Variants in RGMA observed in about 807,000 individuals in gnomAD.
RGMA encodes repulsive guidance molecule A.
In RGMA, 10 loss-of-function variants were observed where a neutral mutation model predicts 23.2. The ratio of observed to expected loss-of-function variants is 0.43; its 90% confidence interval spans 0.27 to 0.73. The LOEUF (loss-of-function observed/expected upper bound fraction) is 0.73. RGMA is among the 30% of genes least tolerant of loss of function. RGMA has a pLI of 0.20. For synonymous variants in RGMA, 308 were observed against 279.3 expected, an observed-to-expected ratio of 1.10 and a Z score of -1.03; for missense variants, 547 against 630.5, an observed-to-expected ratio of 0.87 and a Z score of 1.42.
chr15:93,048,334 GGAGCTGAAC>G (rs1327768065), intron 3 of RGMA, among the ~76,000 whole-genome samples: 1 of 152,124 alleles, frequency 6.6e-6, no homozygotes. Flanking sequence ...AAGGCTGGGA[GGAGCTGAAC>G]GAGGGGCAGG....
At chr15:93,059,676 C>T (rs2055071029) in intron 2 of RGMA, among the ~76,000 whole-genome samples, 1 of 152,150 alleles carries the variant, frequency 6.6e-6, no homozygotes, top group East Asian at 1.9e-4. Flanking sequence ...GGGCCCTGAC[C>T]TCCACGGCCA....
At chr15:93,075,741 G>A (rs961776280) in intron 1 of RGMA, among the ~76,000 whole-genome samples, 2 of 152,184 alleles carry the variant, frequency 1.3e-5, no homozygotes, top group Admixed American at 6.5e-5. Context: ...GCCGGGAGAC[G>A]GGTACTGGCT....
At chr15:93,073,175 C>G (rs12908221) in intron 1 of RGMA, 144 bp from the exon 2 acceptor site, 1 of 1,180,026 alleles carries the variant, frequency 8.5e-7, no homozygotes, top group Admixed American at 4.7e-5. Context: ...TCCCGCGCCG[C>G]CCCCCGCGCG....
rs1461382688 is a variant in RGMA, at chr15:93,039,450, TG to T, written c.*5547del. The T allele has an allele frequency of 2.0e-5, 3 of 152,228 alleles. No homozygotes were observed. Among genetic ancestry groups the T allele is most frequent in the African/African-American group, 7.2e-5 (3 of 41,446 alleles). The allele number at this position is 152,228 out of a possible 1,614,324, so 9.4% of individuals were successfully genotyped here. The stretch of plus-strand genomic sequence containing the variant: ...GGTACACGTGCAGAACGCACAAGTT[TG>T]TTACATAGGTATACACGTGCCATGG... On this transcript the variant is annotated 3_prime_UTR_variant, in exon 4 of 4. Coordinates refer to ENST00000329082, the MANE Select transcript of RGMA (RefSeq NM_020211.3).
At chr15:93,084,402 AC>A (rs1307893618) in intron 1 of RGMA, among the ~76,000 whole-genome samples, 1 of 152,204 alleles carries the variant, frequency 6.6e-6, no homozygotes, top group Non-Finnish European at 1.5e-5. Context: ...AGTGGGTCAG[AC>A]TTTGATGGAG....
Position 93,040,650 on chromosome 15 carries a change from TG to T in RGMA, c.*4347del, listed in dbSNP as rs2054712395. 1.3e-5 allele frequency: 2 copies of T among 152,262 alleles called. No individual in the cohort carries two copies. Among genetic ancestry groups the T allele is most frequent in the Admixed American group, 1.3e-4 (2 of 15,274 alleles). The allele number at this position is 152,262 out of a possible 1,614,324, so 9.4% of individuals were successfully genotyped here. ...CTTTTCTCTGTGGAGCTCGTTACCA[TG>T]GGACCCTGGGTTTTGTAACTGTGGT... On this transcript the variant is annotated 3_prime_UTR_variant, in exon 4 of 4. Coordinates refer to ENST00000329082, the MANE Select transcript of RGMA (RefSeq NM_020211.3).
intron 2 of RGMA, chr15:93,065,598 T>C: frequency 1.3e-6 from 1 of 791,320 alleles, no homozygotes; most frequent in Admixed American, 1.8e-5. Flanking sequence ...TCCAGGATGG[T>C]GGTGGCGGGG....
chr15:93,073,544 G>C lies in RGMA; in HGVS notation c.15-513C>G, dbSNP rs540374939. The C allele has an allele frequency of 6.7e-6, 10 of 1,501,010 alleles. No individual in the cohort carries two copies. In the African/African-American group the frequency reaches 1.4e-4, roughly 21 times the overall value. The allele number at this position is 1,501,010 out of a possible 1,614,324, so 93.0% of individuals were successfully genotyped here. A position where few individuals can be genotyped will look rare whatever the true frequency, so the allele number is the denominator to read the frequency against. ...AATCCAAGTAGAAAAACTGTCCTTG[G>C]AGGCAAATCCCAGCCCTACTTTCCA... On this transcript the variant is annotated intron_variant, in intron 1 of 3. Coordinates refer to ENST00000329082, the MANE Select transcript of RGMA (RefSeq NM_020211.3).
At position 93,044,844 on chromosome 15, in the gene RGMA, G is replaced by A. The variant is rs2054788413; in HGVS notation, c.*154C>T. The A allele has an allele frequency of 1.6e-6, 1 of 629,010 alleles. No homozygotes were observed. Among genetic ancestry groups the A allele is most frequent in the Non-Finnish European group, 2.8e-6 (1 of 358,478 alleles). 39.0% of individuals were successfully genotyped at this position (629,010 alleles called of 1,614,324 possible). A position where few individuals can be genotyped will look rare whatever the true frequency, so the allele number is the denominator to read the frequency against. On this transcript the variant is annotated 3_prime_UTR_variant, in exon 4 of 4. Transcript: ENST00000329082. Reference sequence around the variant, plus strand: ...CTTGTCACGTGCACTAGAAGGGGAGGGGTCCGTGCCTGAGCCCTTGGCAGC... The same window carrying A: ...CTTGTCACGTGCACTAGAAGGGGAGAGGTCCGTGCCTGAGCCCTTGGCAGC...
rs1169563024 is a variant in RGMA at position 93,041,967 on chromosome 15, A to C, written c.*3031T>G. ...ATCACGAGGTCAGGAGATCAAGACC[A>C]TACTGGTCAACATGGTGAAACACCA... On this transcript the variant is annotated 3_prime_UTR_variant, in exon 4 of 4. Coordinates refer to ENST00000329082, the MANE Select transcript of RGMA (RefSeq NM_020211.3). 6.6e-6 allele frequency: 1 copy of C among 152,352 alleles called. No homozygotes were observed. 9.4% of individuals were successfully genotyped at this position (152,352 alleles called of 1,614,324 possible).
intron 2 of RGMA, among the ~76,000 whole-genome samples, chr15:93,060,015 C>T (rs1415613230): frequency 6.6e-6 from 1 of 152,130 alleles, no homozygotes; most frequent in Non-Finnish European, 1.5e-5. Context: ...AGCCAGCTGC[C>T]CCACAGGGTG....
intron 3 of RGMA, among the ~76,000 whole-genome samples, chr15:93,048,706 G>GC (rs2054868340): frequency 6.6e-6 from 1 of 152,130 alleles, no homozygotes. Flanking sequence ...TATGGAAACG[G>GC]CAACTTCATA....
At chr15:93,082,125 A>G (rs1895568184) in intron 1 of RGMA, among the ~76,000 whole-genome samples, 1 of 152,250 alleles carries the variant, frequency 6.6e-6, no homozygotes, top group African/African-American at 2.4e-5. Context: ...TGCCTGGCAT[A>G]GAGTAAGTCT....
At chr15:93,056,362 G>A (rs957308641) in intron 2 of RGMA, among the ~76,000 whole-genome samples, 5 of 151,854 alleles carry the variant, frequency 3.3e-5, no homozygotes, top group Non-Finnish European at 7.4e-5. Context: ...GCAGGGATGC[G>A]GCCACCTTAG....
chr15:93,054,200 A>G (rs1407620125), intron 2 of RGMA, among the ~76,000 whole-genome samples: 6 of 145,366 alleles, frequency 4.1e-5, no homozygotes, highest in Non-Finnish European at 8.9e-5. Flanking sequence ...ACTGTACTCC[A>G]GTCTGGGAGA....
intron 2 of RGMA, among the ~76,000 whole-genome samples, chr15:93,059,936 A>T (rs941728049): frequency 2.0e-5 from 3 of 152,250 alleles, no homozygotes; most frequent in African/African-American, 7.2e-5. Flanking sequence ...GCTGAAAAAC[A>T]GATCTTACAG....
intron 1 of RGMA, chr15:93,088,352 G>C: frequency 1.0e-6 from 1 of 985,494 alleles, no homozygotes; most frequent in Non-Finnish European, 1.2e-6. Flanking sequence ...GGAAAGCCGG[G>C]GCGGCTTGGC....
chr15:93,056,036 G>C (rs1353085154), intron 2 of RGMA, among the ~76,000 whole-genome samples: 1 of 152,222 alleles, frequency 6.6e-6, no homozygotes, highest in South Asian at 2.1e-4. Flanking sequence ...AGCCCCAGAT[G>C]AGGCTGTACT....
chr15:93,044,612 G>A lies in RGMA; in HGVS notation c.*386C>T, dbSNP rs62021479. The A allele has an allele frequency of 0.24, 63,674 of 267,696 alleles. 9,860 individuals are homozygous for A. The highest frequency in any genetic ancestry group is 0.33 in the Non-Finnish European group (45,663 of 138,224). The allele number at this position is 267,696 out of a possible 1,614,324, so 16.6% of individuals were successfully genotyped here. A position where few individuals can be genotyped will look rare whatever the true frequency, so the allele number is the denominator to read the frequency against. ...GCGGGCACAGGGGGCCCCACGGATCGGCGAGCAGCAGTCGGCCGGGCCTTT... is the reference window on the plus strand; with the variant it reads ...GCGGGCACAGGGGGCCCCACGGATCAGCGAGCAGCAGTCGGCCGGGCCTTT... On this transcript the variant is annotated 3_prime_UTR_variant, in exon 4 of 4. Coordinates refer to ENST00000329082, the MANE Select transcript of RGMA (RefSeq NM_020211.3).
Sources: allele counts gnomAD v4.1 joint callset (sites outside exome capture counted in the v4.1 genomes callset), GRCh38; gene constraint gnomAD v4.1.1; transcripts MANE v1.5; gene names NCBI Gene and HGNC (gene_info 2026-07-23, HGNC 2026-07-21).